ENAM: variants seen among roughly 807,000 people sequenced by gnomAD.
ENAM encodes the protein amelogenesis imperfecta 2, hypocalcification (autosomal dominant).
A neutral mutation model predicts 33.6 loss-of-function variants in ENAM; 21 were observed. That is an observed-to-expected ratio of 0.63 (90% CI 0.44 to 0.90). The LOEUF is 0.90. Ranked by LOEUF, ENAM falls within the 40% of genes least tolerant of loss-of-function variation. The probability of loss-of-function intolerance (pLI) is 0.00; values close to 1 mark genes in which losing one functional copy is unlikely to be tolerated. For synonymous variants in ENAM, 473 were observed against 468.4 expected, an observed-to-expected ratio of 1.01 and a Z score of -0.13; for missense variants, 1,388 against 1,366.9, an observed-to-expected ratio of 1.02 and a Z score of -0.24.
At position 70,629,463 on chromosome 4, in the gene ENAM, A is replaced by G. The variant is rs1738254867; in HGVS notation, c.-38A>G. 2 of 1,537,778 alleles carry G rather than the reference A, an allele frequency of 1.3e-6. No homozygotes were observed. Among genetic ancestry groups the G allele is most frequent in the Non-Finnish European group, 1.8e-6 (2 of 1,110,692 alleles). ...TAGTTTCTTCTCAGGTTAAAGCTGT[A>G]TTTTTCTTAAAGGCTTATAAAAATT... On this transcript the variant is annotated 5_prime_UTR_variant, in exon 2 of 9. Coordinates refer to ENST00000396073, the MANE Select transcript of ENAM (RefSeq NM_031889.3).
In ENAM at chr4:70,645,731, G is replaced by T. The variant is rs886809029; in HGVS notation, c.*876G>T. 6.6e-6 allele frequency: 1 copy of T among 152,072 alleles called. No individual in the cohort carries two copies. The highest frequency in any genetic ancestry group is 1.5e-5 in the Non-Finnish European group (1 of 68,034). The allele number at this position is 152,072 out of a possible 1,614,324, so 9.4% of individuals were successfully genotyped here. A position where few individuals can be genotyped will look rare whatever the true frequency, so the allele number is the denominator to read the frequency against. ...CGTACCCTAAATTTTTCTTGACCCA[G>T]CTTAACCATCATTACAGAATATATT... is the stretch of plus-strand genomic sequence containing the variant. On this transcript the variant is annotated 3_prime_UTR_variant, in exon 9 of 9. Coordinates refer to ENST00000396073, the MANE Select transcript of ENAM (RefSeq NM_031889.3).
At position 70,644,392 on chromosome 4, in the gene ENAM, A is replaced by G; in HGVS notation, c.2966A>G (p.Asp989Gly). Residue 989 changes from aspartate to glycine, a missense_variant, in exon 9 of 9, where the codon GAT (aspartate) becomes GGT (glycine). Physicochemically the swap from Asp to Gly is moderately conservative, Grantham distance 94 (BLOSUM62 -1). Coordinates refer to ENST00000396073, the MANE Select transcript of ENAM (RefSeq NM_031889.3). ...QSKNTPCLKN[D>G]LGGDGNNILE... The stretch of plus-strand genomic sequence containing the variant: ...AAGAATACACCTTGTCTCAAAAATG[A>G]TCTTGGAGGAGATGGGAACAACATT... The G allele has an allele frequency of 1.9e-6, 3 of 1,614,198 alleles. No individual in the cohort carries two copies. Among genetic ancestry groups the G allele is most frequent in the Non-Finnish European group, 1.7e-6 (2 of 1,180,018 alleles).
At chr4:70,637,081 C>T (rs989872995) in intron 7 of ENAM, among the ~76,000 whole-genome samples, 1 of 152,150 alleles carries the variant, frequency 6.6e-6, no homozygotes, top group African/African-American at 2.4e-5. Context: ...GAGTTCCTTA[C>T]ATTTTTCCTC....
rs533026915 is a variant in ENAM at position 70,646,259 on chromosome 4, A to C, written c.*1404A>C. The C allele has an allele frequency of 3.9e-5, 6 of 152,284 alleles. No homozygotes were observed. The South Asian group carries it at 8.3e-4, about 21-fold the overall frequency. 9.4% of individuals were successfully genotyped at this position (152,284 alleles called of 1,614,324 possible). On this transcript the variant is annotated 3_prime_UTR_variant, in exon 9 of 9. Transcript: ENST00000396073. ...AGGGATTATTATTCTTATTAATAAC[A>C]TGTTGGCCTATTATCTGGATGTCCC...
At position 70,631,730 on chromosome 4, in the gene ENAM, G is replaced by A. The variant is rs771520507; in HGVS notation, c.115G>A (p.Ala39Thr). ...VFLGLLGNSV[A>T]MPMHMPRMPG... ...TCTAGGGCTTCTTGGTAATTCTGTT[G>A]CTATGCCAGTGAGTATTTTTTAAAT... Residue 39 changes from alanine (A) to threonine (T), a missense_variant, in exon 3 of 9, where the codon GCT (alanine) becomes ACT (threonine). Transcript: ENST00000396073. 10 of 1,613,248 alleles carry A rather than the reference G, an allele frequency of 6.2e-6. No homozygotes were observed. In the South Asian group the frequency reaches 1.1e-4, roughly 18 times the overall value.
In ENAM at chr4:70,644,832, G is replaced by A. The variant is rs142122738; in HGVS notation, c.3406G>A (p.Asp1136Asn). Residue 1136 changes from aspartate (D) to asparagine (N), a missense_variant, in exon 9 of 9, where the codon GAC becomes AAC. Coordinates refer to ENST00000396073, the MANE Select transcript of ENAM (RefSeq NM_031889.3). ...RGTNVQDQVQ[D>N]CLLLQA ...GACCAATGTACAGGACCAGGTACAA[G>A]ACTGCTTACTACTTCAGGCCTAGGG... is the stretch of plus-strand genomic sequence containing the variant. 1 of 1,613,938 alleles carries A rather than the reference G, an allele frequency of 6.2e-7. No individual in the cohort carries two copies. The highest frequency in any genetic ancestry group is 1.1e-5 in the South Asian group (1 of 91,074).
intron 1 of ENAM, 96 bp from the exon 2 acceptor site, chr4:70,629,345 G>C (rs1307176865): frequency 9.9e-6 from 7 of 704,934 alleles, no homozygotes; most frequent in Non-Finnish European, 1.8e-5. Context: ...CCCTAATACA[G>C]GTATGACTGG....
Position 70,645,149 on chromosome 4 carries a change from G to A in ENAM, c.*294G>A. On this transcript the variant is annotated 3_prime_UTR_variant, in exon 9 of 9. Coordinates refer to ENST00000396073, the MANE Select transcript of ENAM (RefSeq NM_031889.3). Reference sequence around the variant, plus strand: ...CACTTGTCTGAGTTAGTTTCCTTTTGCTTGATGACTTCTTTTGCTCTCAAA... The same window carrying A: ...CACTTGTCTGAGTTAGTTTCCTTTTACTTGATGACTTCTTTTGCTCTCAAA... The A allele has an allele frequency of 1.8e-6, 1 of 544,404 alleles. No individual in the cohort carries two copies. 33.7% of individuals were successfully genotyped at this position (544,404 alleles called of 1,614,324 possible).
chr4:70,643,816 C>T lies in ENAM; in HGVS notation c.2390C>T (p.Pro797Leu). Reference protein sequence around the residue: ...WDQATHLQKAPARPPDQKGNQ... With the variant: ...WDQATHLQKALARPPDQKGNQ... The stretch of plus-strand genomic sequence containing the variant: ...CAGGCAACACATTTACAAAAAGCCC[C>T]AGCTAGGCCACCAGACCAGAAAGGT... The change falls in exon 9 of 9, where the codon CCA (proline) becomes CTA (leucine). Residue 797 changes from proline (P) to leucine (L), a missense_variant. Physicochemically the swap from Pro to Leu is moderately conservative, Grantham distance 98 (BLOSUM62 -3). Transcript: ENST00000396073. 6.2e-7 allele frequency: 1 copy of T among 1,614,156 alleles called. No homozygotes were observed.
At chr4:70,640,823 G>A (rs1738577421) in intron 8 of ENAM, among the ~76,000 whole-genome samples, 1 of 152,270 alleles carries the variant, frequency 6.6e-6, no homozygotes, top group South Asian at 2.1e-4. Context: ...CTGCTTTGAT[G>A]TTATGTTAAG....
chr4:70,638,620 G>A (rs1051096853), intron 8 of ENAM, among the ~76,000 whole-genome samples: 4 of 150,684 alleles, frequency 2.7e-5, no homozygotes, highest in African/African-American at 9.7e-5. Context: ...GTCCCTTTCA[G>A]CTTTAAGATT....
chr4:70,632,237 A>G (rs926999272), intron 4 of ENAM, among the ~76,000 whole-genome samples: 8 of 152,158 alleles, frequency 5.3e-5, no homozygotes, highest in Admixed American at 4.6e-4. Flanking sequence ...TACCTTTCAC[A>G]TGACTCATAT....
At chr4:70,637,524 T>C (rs1577970327) in intron 7 of ENAM, 2 of 469,982 alleles carry the variant, frequency 4.3e-6, no homozygotes, top group African/African-American at 2.0e-5. Flanking sequence ...GTAAGGAGGA[T>C]TGCCAACAGA....
At chr4:70,631,980 A>AT in intron 4 of ENAM, 87 bp downstream of exon 4, 2 of 1,138,654 alleles carry the variant, frequency 1.8e-6, no homozygotes, top group Non-Finnish European at 2.7e-6. Context: ...AAATTGTCTC[A>AT]TATATAATAT....
rs946733032 is a variant in ENAM, at chr4:70,645,161, C to A, written c.*306C>A. On this transcript the variant is annotated 3_prime_UTR_variant, in exon 9 of 9. Coordinates refer to ENST00000396073, the MANE Select transcript of ENAM (RefSeq NM_031889.3). Reference sequence around the variant, plus strand: ...TTAGTTTCCTTTTGCTTGATGACTTCTTTTGCTCTCAAAGTTCCATACTTG... The same window carrying A: ...TTAGTTTCCTTTTGCTTGATGACTTATTTTGCTCTCAAAGTTCCATACTTG... 7 of 538,186 alleles carry A rather than the reference C, an allele frequency of 1.3e-5. No individual in the cohort carries two copies. Among genetic ancestry groups the A allele is most frequent in the African/African-American group, 1.1e-4 (6 of 53,172 alleles). 33.3% of individuals were successfully genotyped at this position (538,186 alleles called of 1,614,324 possible).
At chr4:70,638,958 C>A (rs536980199) in intron 8 of ENAM, among the ~76,000 whole-genome samples, 54 of 151,784 alleles carry the variant, frequency 3.6e-4, no homozygotes, top group Admixed American at 6.6e-4. Flanking sequence ...CCATCACACC[C>A]GTCTAATCTT....
rs370309125 is a variant in ENAM at position 70,644,508 on chromosome 4, T to C, written c.3082T>C (p.Ser1028Pro). The C allele has an allele frequency of 1.9e-6, 3 of 1,613,944 alleles. No homozygotes were observed. Among genetic ancestry groups the C allele is most frequent in the Non-Finnish European group, 2.5e-6 (3 of 1,179,988 alleles). Reference protein sequence around the residue: ...QLVIGTPDEGSNPEGIQSQVQ... With the variant: ...QLVIGTPDEGPNPEGIQSQVQ... ...TGTTATTGGTACACCTGATGAAGGC[T>C]CCAATCCAGAAGGCATCCAAAGTCA... Residue 1028 changes from serine (S) to proline (P), a missense_variant, in exon 9 of 9, where the codon TCC (serine) becomes CCC (proline). Transcript: ENST00000396073.
At chr4:70,638,794 CTT>C (rs202207649) in intron 8 of ENAM, among the ~76,000 whole-genome samples, 16 of 137,214 alleles carry the variant, frequency 1.2e-4, no homozygotes, top group East Asian at 2.1e-4. Flanking sequence ...TTCTTTCTTT[CTT>C]TTTTTTTTTT....
In ENAM at chr4:70,644,093, A is replaced by C. The variant is rs181699002; in HGVS notation, c.2667A>C (p.Leu889=). The C allele has an allele frequency of 3.1e-6, 5 of 1,614,082 alleles. No individual in the cohort carries two copies. Among genetic ancestry groups the C allele is most frequent in the African/African-American group, 1.3e-5 (1 of 75,026 alleles). The change falls in exon 9 of 9, where the codon CTA becomes CTC. Residue 889 remains leucine (L), a synonymous_variant. Transcript: ENST00000396073. ...STGPKDNPLA[L]QDYTPSYGLA... is the part of the protein sequence containing the mutation. ...GGCCCAAGGACAATCCACTAGCTCTACAAGACTACACTCCATCCTATGGTC... is the reference window on the plus strand; with the variant it reads ...GGCCCAAGGACAATCCACTAGCTCTCCAAGACTACACTCCATCCTATGGTC...
Sources: allele counts gnomAD v4.1 joint callset (sites outside exome capture counted in the v4.1 genomes callset), GRCh38; gene constraint gnomAD v4.1.1; transcripts MANE v1.5; gene names NCBI Gene and HGNC (gene_info 2026-07-23, HGNC 2026-07-21).